The following ZNF138 variants were observed in gnomAD, a reference collection of about 807,000 sequenced individuals.
The protein encoded by ZNF138 is zinc finger protein 138, also known as zinc finger protein 138 (clone pHZ-32).
Under a neutral mutation model 33.0 loss-of-function variants are expected in ZNF138, and 33 were observed. The observed-to-expected ratio is 1.00, with a 90% confidence interval of 0.76 to 1.34. The LOEUF (loss-of-function observed/expected upper bound fraction) is 1.34, where lower values mean the gene tolerates loss of function less well. Ranked by LOEUF, ZNF138 falls within the 40% of genes most tolerant of loss-of-function variation. The pLI is 0.00. For synonymous variants in ZNF138, 139 were observed against 120.4 expected (o/e 1.15, Z -1.01); for missense variants, 360 against 370.8 (o/e 0.97, Z 0.24).
At chr7:64,820,483 A>G (rs568083142) in intron 3 of ZNF138, among the ~76,000 whole-genome samples, 1 of 151,710 alleles carries the variant, frequency 6.6e-6, no homozygotes, top group Non-Finnish European at 1.5e-5. Context: ...CTGGTACAAT[A>G]AACATAGATG....
At chr7:64,830,114 T>A (rs1412265798) in intron 3 of ZNF138, among the ~76,000 whole-genome samples, 1 of 152,224 alleles carries the variant, frequency 6.6e-6, no homozygotes, top group Non-Finnish European at 1.5e-5. Context: ...TGCAAAACTT[T>A]CATGAAAAAT....
chr7:64,802,587 A>G (rs879804108), intron 1 of ZNF138, among the ~76,000 whole-genome samples: 1 of 152,114 alleles, frequency 6.6e-6, no homozygotes, highest in Non-Finnish European at 1.5e-5. Flanking sequence ...GTCACGATCT[A>G]TAGGGTCAAA....
At chr7:64,805,139 C>A (rs756451455) in intron 1 of ZNF138, among the ~76,000 whole-genome samples, 1 of 152,124 alleles carries the variant, frequency 6.6e-6, no homozygotes, top group African/African-American at 2.4e-5. Flanking sequence ...TGGCTCACAC[C>A]TATAATCCCA....
At chr7:64,815,067 T>C in intron 2 of ZNF138, 23 bp downstream of exon 2, 2 of 1,561,244 alleles carry the variant, frequency 1.3e-6, no homozygotes, top group Non-Finnish European at 1.7e-6. Context: ...TCAGTACACA[T>C]TTCCTAATAT....
At chr7:64,836,834 C>T (rs1325863387), downstream of ZNF138, 2 of 149,890 alleles carry the variant, frequency 1.3e-5, no homozygotes, top group Non-Finnish European at 3.0e-5. Context: ...GCCTGGCACC[C>T]TGCTGGCGGG....
At chr7:64,811,384 C>T (rs1376260833) in intron 1 of ZNF138, among the ~76,000 whole-genome samples, 1 of 152,092 alleles carries the variant, frequency 6.6e-6, no homozygotes, top group East Asian at 1.9e-4. Context: ...TTGCTGTTGT[C>T]GTCTAGGCTG....
At chr7:64,834,741 C>G (rs956476242), downstream of ZNF138, among the ~76,000 whole-genome samples, 1 of 152,092 alleles carries the variant, frequency 6.6e-6, no homozygotes, top group Non-Finnish European at 1.5e-5. Flanking sequence ...AGTGGAGAGG[C>G]TCTTTGTGTT....
At chr7:64,817,993 ATTAT>A (rs1788802693) in intron 3 of ZNF138, among the ~76,000 whole-genome samples, 1 of 129,566 alleles carries the variant, frequency 7.7e-6, no homozygotes, top group Non-Finnish European at 1.7e-5. Flanking sequence ...TATTATTATT[ATTAT>A]TTTTTTTTTT....
At chr7:64,826,372 C>T (rs1200124532) in intron 3 of ZNF138, among the ~76,000 whole-genome samples, 3 of 152,036 alleles carry the variant, frequency 2.0e-5, no homozygotes, top group African/African-American at 2.4e-5. Context: ...CTCTGCCTCC[C>T]GGGTTCAAGC....
chr7:64,813,463 T>G (rs1788347223), intron 1 of ZNF138, among the ~76,000 whole-genome samples: 1 of 150,260 alleles, frequency 6.7e-6, no homozygotes, highest in African/African-American at 2.5e-5. Flanking sequence ...TAATGGAGTC[T>G]CGCGCTGTCG....
chr7:64,860,663 G>A, the ZNF138 span, among the ~76,000 whole-genome samples: 1 of 152,174 alleles, frequency 6.6e-6, no homozygotes, highest in East Asian at 1.9e-4. Context: ...TATTTTAAAT[G>A]GAAAGGTTTT....
chr7:64,836,930 C>T (rs924891667), downstream of ZNF138: 10 of 152,310 alleles, frequency 6.6e-5, no homozygotes, highest in African/African-American at 2.2e-4. Flanking sequence ...GAGAGGGAGT[C>T]TGAGAGGGGG....
At chr7:64,825,113 A>C (rs1269139352) in intron 3 of ZNF138, among the ~76,000 whole-genome samples, 2 of 142,420 alleles carry the variant, frequency 1.4e-5, no homozygotes, top group East Asian at 4.4e-4. Flanking sequence ...CCACTGTGCC[A>C]GGCCTAAAAT....
chr7:64,824,572 T>C (rs1789419212), intron 3 of ZNF138, among the ~76,000 whole-genome samples: 1 of 152,250 alleles, frequency 6.6e-6, no homozygotes, highest in African/African-American at 2.4e-5. Context: ...GCAATTATTA[T>C]GTTGCTATGT....
the ZNF138 span, among the ~76,000 whole-genome samples, chr7:64,851,926 C>G: frequency 6.6e-4 from 100 of 152,212 alleles, no homozygotes; most frequent in Non-Finnish European, 1.1e-3. Context: ...ATCATGCAAC[C>G]CTCTTATGAC....
chr7:64,831,843 G>T lies in ZNF138; in HGVS notation c.601G>T (p.Gly201Ter), dbSNP rs775799757. The T allele has an allele frequency of 2.4e-5, 39 of 1,613,780 alleles. No homozygotes were observed. Among genetic ancestry groups the T allele is most frequent in the Non-Finnish European group, 3.2e-5 (38 of 1,179,898 alleles). ...RENFYKCEEC[G>*]KTFNWSTNLS... The stretch of plus-strand genomic sequence containing the variant: ...GAATTTCTACAAATGTGAAGAGTGT[G>T]GAAAAACCTTTAACTGGTCCACAAA... The change falls in exon 4 of 4, where the codon GGA (glycine) becomes TGA (stop). Residue 201 changes from glycine (G) to a stop codon, truncating the protein, a stop_gained. Coordinates refer to ENST00000307355, the MANE Select transcript of ZNF138 (RefSeq NM_001271639.2). LOFTEE classifies it high-confidence loss of function.
chr7:64,814,160 G>T, intron 1 of ZNF138: 1 of 1,136,008 alleles, frequency 8.8e-7, no homozygotes, highest in Non-Finnish European at 1.1e-6. Flanking sequence ...GAGCTTGTTA[G>T]AAATTTAGAA....
chr7:64,834,272 CTA>C (rs1160038831), downstream of ZNF138, among the ~76,000 whole-genome samples: 1 of 152,034 alleles, frequency 6.6e-6, no homozygotes, highest in Non-Finnish European at 1.5e-5. Context: ...GCATACTAAA[CTA>C]TATTTTTCCA....
chr7:64,814,438 G>C (rs1788444996), intron 1 of ZNF138, among the ~76,000 whole-genome samples: 1 of 152,066 alleles, frequency 6.6e-6, no homozygotes, highest in Non-Finnish European at 1.5e-5. Flanking sequence ...TCTTTTCTCA[G>C]GGCAAGAAGT....
Sources: allele counts gnomAD v4.1 joint callset (sites outside exome capture counted in the v4.1 genomes callset), GRCh38; gene constraint gnomAD v4.1.1; transcripts MANE v1.5; gene names NCBI Gene and HGNC (gene_info 2026-07-23, HGNC 2026-07-21).